Variants in ADAMTSL1 observed in about 807,000 individuals in gnomAD.
ADAMTSL1 encodes ADAMTS like 1, also known as ADAMTS-like protein 1.
In ADAMTSL1, 126 loss-of-function variants were observed where a neutral mutation model predicts 201.8. That is an observed-to-expected ratio of 0.62 (90% confidence interval 0.54 to 0.72). The LOEUF (loss-of-function observed/expected upper bound fraction) is 0.72. ADAMTSL1 is among the 30% of genes least tolerant of loss of function. ADAMTSL1 has a pLI of 0.00. For synonymous variants in ADAMTSL1, 1,121 were observed against 903.4 expected (o/e 1.24, Z -4.32); for missense variants, 2,679 against 2,277.8 (o/e 1.18, Z -3.59).
At chr9:18,455,026 T>C (rs1398479553) in intron 2 of ADAMTSL1, among the ~76,000 whole-genome samples, 1 of 152,150 alleles carries the variant, frequency 6.6e-6, no homozygotes. Context: ...GGTGGGTGGG[T>C]GTGAATATTA....
At chr9:18,276,092 T>G (rs1358241491) in intron 2 of ADAMTSL1, among the ~76,000 whole-genome samples, 1 of 152,176 alleles carries the variant, frequency 6.6e-6, no homozygotes, top group East Asian at 1.9e-4. Flanking sequence ...GTTATCCCAG[T>G]GGTTGTGTAC....
At chr9:17,974,990 A>T (rs914156820) in intron 1 of ADAMTSL1, among the ~76,000 whole-genome samples, 3 of 152,046 alleles carry the variant, frequency 2.0e-5, no homozygotes, top group South Asian at 4.1e-4. Context: ...CAAACACTGC[A>T]CAAAGTTTCC....
intron 2 of ADAMTSL1, among the ~76,000 whole-genome samples, chr9:18,527,891 C>T (rs1033481454): frequency 8.6e-5 from 13 of 152,024 alleles, no homozygotes; most frequent in Non-Finnish European, 1.9e-4. Context: ...CCACCCGCCC[C>T]CCTCAAGATG....
intron 2 of ADAMTSL1, among the ~76,000 whole-genome samples, chr9:18,254,762 TAAG>T (rs1831617667): frequency 1.3e-5 from 2 of 150,338 alleles, no homozygotes; most frequent in African/African-American, 4.9e-5. Context: ...TTTTTAAAAT[TAAG>T]AACAGTTGGT....
At chr9:18,075,712 C>T (rs12000388) in intron 1 of ADAMTSL1, among the ~76,000 whole-genome samples, 21,415 of 152,096 alleles carry the variant, frequency 0.14, 2,093 homozygotes, top group African/African-American at 0.27. Context: ...TCCTTGGCCC[C>T]AAGCCCACCC....
At chr9:18,751,114 G>T (rs1819445568) in intron 15 of ADAMTSL1, among the ~76,000 whole-genome samples, 1 of 152,152 alleles carries the variant, frequency 6.6e-6, no homozygotes, top group African/African-American at 2.4e-5. Context: ...TGGAAGGAAG[G>T]CATGGCAAAG....
At chr9:17,950,553 C>G (rs1827695251) in intron 1 of ADAMTSL1, among the ~76,000 whole-genome samples, 1 of 151,012 alleles carries the variant, frequency 6.6e-6, no homozygotes, top group African/African-American at 2.4e-5. Context: ...ATTATATATG[C>G]TACATAAAGC....
At chr9:18,140,781 C>T (rs11794166) in intron 1 of ADAMTSL1, among the ~76,000 whole-genome samples, 1 of 152,124 alleles carries the variant, frequency 6.6e-6, no homozygotes, top group African/African-American at 2.4e-5. Context: ...AGTCTCTGGC[C>T]TGGTATGTTA....
intron 23 of ADAMTSL1, among the ~76,000 whole-genome samples, chr9:18,887,216 T>C (rs896432900): frequency 6.6e-6 from 1 of 152,234 alleles, no homozygotes; most frequent in Non-Finnish European, 1.5e-5. Context: ...TTGAGTTTAT[T>C]ATATCAAAAT....
intron 1 of ADAMTSL1, among the ~76,000 whole-genome samples, chr9:17,924,727 G>A (rs1459383388): frequency 3.4e-5 from 5 of 145,288 alleles, no homozygotes; most frequent in South Asian, 2.3e-4. Flanking sequence ...AGATTTAAAC[G>A]TTAGACCTAA....
At chr9:18,568,433 A>C (rs1822077632) in intron 3 of ADAMTSL1, among the ~76,000 whole-genome samples, 1 of 152,166 alleles carries the variant, frequency 6.6e-6, no homozygotes, top group Non-Finnish European at 1.5e-5. Flanking sequence ...CTTTTATGGT[A>C]ATCTTTTCTG....
At chr9:17,967,210 T>TG (rs1818009809) in intron 1 of ADAMTSL1, among the ~76,000 whole-genome samples, 1 of 152,172 alleles carries the variant, frequency 6.6e-6, no homozygotes, top group African/African-American at 2.4e-5. Context: ...TTCTTAGAGT[T>TG]GGAATGTCTA....
At chr9:18,889,389 C>G (rs1338326272) in intron 24 of ADAMTSL1, among the ~76,000 whole-genome samples, 179 bp from the exon 25 acceptor site, 1 of 152,224 alleles carries the variant, frequency 6.6e-6, no homozygotes, top group Non-Finnish European at 1.5e-5. Flanking sequence ...GACCACGTGA[C>G]TTCCCCAAAT....
chr9:18,499,623 C>G (rs1415565908), intron 1 of ADAMTSL1, among the ~76,000 whole-genome samples: 1 of 152,190 alleles, frequency 6.6e-6, no homozygotes, highest in Non-Finnish European at 1.5e-5. Context: ...AAGTGTGTGA[C>G]ATCCATTTGA....
At chr9:18,103,688 G>A (rs1172939371) in intron 1 of ADAMTSL1, among the ~76,000 whole-genome samples, 2 of 152,158 alleles carry the variant, frequency 1.3e-5, no homozygotes, top group African/African-American at 2.4e-5. Context: ...TATAAAAACA[G>A]CAATGTTGTA....
chr9:18,594,870 G>A (rs1824162419), intron 4 of ADAMTSL1, among the ~76,000 whole-genome samples: 1 of 152,030 alleles, frequency 6.6e-6, no homozygotes, highest in South Asian at 2.1e-4. Context: ...GCTTGTGAAA[G>A]AGCAACAATG....
chr9:18,753,190 C>A, intron 15 of ADAMTSL1, 108 bp from the exon 16 acceptor site: 2 of 1,075,598 alleles, frequency 1.9e-6, no homozygotes, highest in Non-Finnish European at 1.4e-6. Context: ...CTTGGGCTGG[C>A]ACTTCCCACT....
intron 2 of ADAMTSL1, among the ~76,000 whole-genome samples, chr9:18,399,321 AT>A (rs1284217630): frequency 3.3e-5 from 4 of 121,124 alleles, no homozygotes; most frequent in Non-Finnish European, 6.9e-5. Context: ...ATATATATAT[AT>A]ATATATAAAA....
At chr9:18,893,976 G>T (rs896471957) in intron 26 of ADAMTSL1, among the ~76,000 whole-genome samples, 2 of 152,180 alleles carry the variant, frequency 1.3e-5, no homozygotes, top group Non-Finnish European at 2.9e-5. Flanking sequence ...CTTGGGAGGG[G>T]AATGTGTCCC....
Sources: gnomAD v4.1 joint callset for allele counts (sites outside exome capture counted in the v4.1 genomes callset) on GRCh38, gnomAD v4.1.1 for gene constraint, MANE v1.5 for transcripts, NCBI Gene and HGNC (gene_info 2026-07-23, HGNC 2026-07-21) for gene names.